The following NUDCD3 variants were observed in gnomAD, a reference collection of about 807,000 sequenced individuals.
The protein encoded by NUDCD3 is nudC domain-containing protein 3.
In NUDCD3, 13 loss-of-function variants were observed where a neutral mutation model predicts 39.7. That is an observed-to-expected ratio of 0.33 (90% CI 0.21 to 0.52). NUDCD3 has a LOEUF of 0.52. Ranked by LOEUF, NUDCD3 falls within the 20% of genes least tolerant of loss-of-function variation. The probability of loss-of-function intolerance (pLI) is 0.96; values close to 1 mark genes in which losing one functional copy is unlikely to be tolerated. For missense variants in NUDCD3, 453 were observed against 458.1 expected (o/e 0.99, Z 0.10); for synonymous variants, 175 against 172.4 (o/e 1.02, Z -0.12).
intron 2 of NUDCD3, among the ~76,000 whole-genome samples, chr7:44,456,599 T>C (rs536199675): frequency 2.6e-5 from 4 of 152,100 alleles, no homozygotes; most frequent in Non-Finnish European, 4.4e-5. Context: ...CAAGGCCTCA[T>C]CTCTACTTTA....
chr7:44,428,981 C>G (rs373461690), intron 2 of NUDCD3, among the ~76,000 whole-genome samples: 1 of 152,204 alleles, frequency 6.6e-6, no homozygotes, highest in Non-Finnish European at 1.5e-5. Context: ...CTGGTTCACA[C>G]AGGAAAACAC....
In NUDCD3 at chr7:44,468,348, G is replaced by GAAAAAAAAA; in HGVS notation, c.509+16619_509+16620insTTTTTTTTT. The GAAAAAAAAA allele has an allele frequency of 4.6e-5, 14 of 305,458 alleles. No individual in the cohort carries two copies. The South Asian group carries it at 5.0e-4, about 11-fold the overall frequency. 18.9% of individuals were successfully genotyped at this position (305,458 alleles called of 1,614,324 possible). A position where few individuals can be genotyped will look rare whatever the true frequency, so the allele number is the denominator to read the frequency against. ...TTCTGTTTAAATAAATGTAAAAACT[G>GAAAAAAAAA]CAAAAAAAAAAAAAAAAAAAAAGAA... On this transcript the variant is annotated intron_variant, in intron 2 of 5. Coordinates refer to ENST00000355451, the MANE Select transcript of NUDCD3 (RefSeq NM_015332.4).
At chr7:44,468,349 C>CAAAA (rs77181470) in intron 2 of NUDCD3, 337 of 380,706 alleles carry the variant, frequency 8.9e-4, no homozygotes, top group South Asian at 2.1e-3. Flanking sequence ...GTAAAAACTG[C>CAAAA]AAAAAAAAAA....
intron 3 of NUDCD3, among the ~76,000 whole-genome samples, chr7:44,411,639 G>A (rs767900777): frequency 6.6e-6 from 1 of 152,136 alleles, no homozygotes; most frequent in Non-Finnish European, 1.5e-5. Flanking sequence ...CAATAACAAG[G>A]GTTGATGAGG....
At chr7:44,465,017 TA>T (rs1800091959) in intron 2 of NUDCD3, among the ~76,000 whole-genome samples, 1 of 152,134 alleles carries the variant, frequency 6.6e-6, no homozygotes, top group African/African-American at 2.4e-5. Context: ...AACGAAGGTG[TA>T]AACAGAAGCT....
In NUDCD3 at chr7:44,427,648, TCTCTCGGACAGCACCATTGTAA is replaced by T; in HGVS notation, c.543_564del (p.Ser181ArgfsTer23). On this transcript the variant is annotated frameshift_variant, in exon 3 of 6. Coordinates refer to ENST00000355451, the MANE Select transcript of NUDCD3 (RefSeq NM_015332.4). LOFTEE classifies it high-confidence loss of function. Reference sequence around the variant, plus strand: ...GTATAGTCCTGTGACCAGGTGTAGTTCTCTCGGACAGCACCATTGTAACTGTCGGGATTTTTCTGGAACTGCT... The same window carrying T: ...GTATAGTCCTGTGACCAGGTGTAGTTCTGTCGGGATTTTTCTGGAACTGCT... 1.2e-6 allele frequency: 2 copies of T among 1,613,896 alleles called. No individual in the cohort carries two copies. The highest frequency in any genetic ancestry group is 1.7e-6 in the Non-Finnish European group (2 of 1,179,890).
chr7:44,473,899 T>C (rs1009360554), intron 2 of NUDCD3, among the ~76,000 whole-genome samples: 8 of 152,174 alleles, frequency 5.3e-5, no homozygotes, highest in African/African-American at 1.7e-4. Flanking sequence ...CTATGAGGCA[T>C]TGGTGTTTGG....
chr7:44,413,550 G>A (rs1798968615), intron 3 of NUDCD3, among the ~76,000 whole-genome samples: 1 of 152,162 alleles, frequency 6.6e-6, no homozygotes, highest in African/African-American at 2.4e-5. Context: ...GGCACATGTA[G>A]AAAGATGCTC....
chr7:44,411,856 T>C (rs1050148040), intron 3 of NUDCD3, among the ~76,000 whole-genome samples: 8 of 152,314 alleles, frequency 5.3e-5, no homozygotes, highest in African/African-American at 1.9e-4. Context: ...TGTCCATGTA[T>C]GGGTGGTAAA....
chr7:44,466,850 T>C (rs1022419717), intron 2 of NUDCD3, among the ~76,000 whole-genome samples: 1 of 152,160 alleles, frequency 6.6e-6, no homozygotes, highest in Non-Finnish European at 1.5e-5. Flanking sequence ...CACCCCCGCT[T>C]CCCATGAATC....
intron 2 of NUDCD3, among the ~76,000 whole-genome samples, chr7:44,460,571 A>C (rs1259706269): frequency 6.6e-6 from 1 of 151,968 alleles, no homozygotes; most frequent in African/African-American, 2.4e-5. Context: ...CCAAAACTAG[A>C]CTAACCAAGA....
At chr7:44,413,663 C>G (rs183689229) in intron 3 of NUDCD3, among the ~76,000 whole-genome samples, 123 of 152,324 alleles carry the variant, frequency 8.1e-4, no homozygotes, top group Non-Finnish European at 1.4e-3. Flanking sequence ...CTATTGTCAG[C>G]AAATTTGTGA....
intron 3 of NUDCD3, among the ~76,000 whole-genome samples, chr7:44,409,672 T>C (rs1168298703): frequency 6.6e-6 from 1 of 152,088 alleles, no homozygotes; most frequent in Non-Finnish European, 1.5e-5. Flanking sequence ...ATGAAGAACT[T>C]AGCAGAAAAC....
intron 2 of NUDCD3, among the ~76,000 whole-genome samples, chr7:44,444,855 T>C (rs1445471164): frequency 6.6e-6 from 1 of 152,256 alleles, no homozygotes; most frequent in Non-Finnish European, 1.5e-5. Flanking sequence ...TTCAGGCTGC[T>C]GCCTTCTTCC....
intron 2 of NUDCD3, among the ~76,000 whole-genome samples, chr7:44,459,211 T>A (rs1799961062): frequency 6.6e-6 from 1 of 151,794 alleles, no homozygotes; most frequent in Non-Finnish European, 1.5e-5. Context: ...TTCTTTTTTT[T>A]TTTTTTGAGA....
intron 2 of NUDCD3, among the ~76,000 whole-genome samples, chr7:44,444,674 G>A (rs777240243): frequency 6.6e-6 from 1 of 152,104 alleles, no homozygotes; most frequent in Non-Finnish European, 1.5e-5. Context: ...GAGTCCTGTA[G>A]GCCTGGGAGA....
chr7:44,397,163 T>A (rs1798640076), intron 4 of NUDCD3, among the ~76,000 whole-genome samples: 1 of 152,214 alleles, frequency 6.6e-6, no homozygotes. Context: ...ATGTCACATG[T>A]GTGGAATCAC....
intron 3 of NUDCD3, among the ~76,000 whole-genome samples, chr7:44,406,004 G>A (rs1798812881): frequency 6.6e-6 from 1 of 152,130 alleles, no homozygotes; most frequent in South Asian, 2.1e-4. Context: ...TCTTGCTGTT[G>A]CCCAGGCTGG....
chr7:44,472,758 C>T (rs1800281408), intron 2 of NUDCD3, among the ~76,000 whole-genome samples: 1 of 152,150 alleles, frequency 6.6e-6, no homozygotes, highest in South Asian at 2.1e-4. Context: ...AAGTGAACGA[C>T]ATTTCAAAGA....
Sources: gnomAD v4.1 joint callset for allele counts (sites outside exome capture counted in the v4.1 genomes callset) on GRCh38, gnomAD v4.1.1 for gene constraint, MANE v1.5 for transcripts, NCBI Gene and HGNC (gene_info 2026-07-23, HGNC 2026-07-21) for gene names.